The following KHDC1 variants were observed in gnomAD, a reference collection of about 807,000 sequenced individuals.
KHDC1 encodes KH homology domain-containing protein 1.
In KHDC1, 21 loss-of-function variants were observed where a neutral mutation model predicts 24.7. That is an observed-to-expected ratio of 0.85 (90% CI 0.60 to 1.23). The LOEUF (loss-of-function observed/expected upper bound fraction) is 1.23. Among genes scored for constraint, KHDC1 ranks in the 50% most tolerant of loss-of-function variants. The pLI, the probability that KHDC1 is intolerant of heterozygous loss-of-function variation, is 0.00. For synonymous variants in KHDC1, 98 were observed against 111.7 expected (o/e 0.88, Z 0.77); for missense variants, 274 against 298.5 (o/e 0.92, Z 0.61).
intron 2 of KHDC1, among the ~76,000 whole-genome samples, chr6:73,272,661 A>C (rs1767201710): frequency 6.6e-6 from 1 of 150,756 alleles, no homozygotes; most frequent in East Asian, 2.1e-4. Context: ...CTGTAATCCC[A>C]GTTACTCAGG....
intron 2 of KHDC1, among the ~76,000 whole-genome samples, chr6:73,245,845 C>T (rs773946482): frequency 6.6e-5 from 10 of 152,158 alleles, no homozygotes; most frequent in Admixed American, 2.0e-4. Context: ...GCAAAACCTT[C>T]GCTGTCTATC....
chr6:73,258,620 A>G (rs1766924961), intron 2 of KHDC1, among the ~76,000 whole-genome samples: 1 of 152,186 alleles, frequency 6.6e-6, no homozygotes, highest in Non-Finnish European at 1.5e-5. Context: ...CCATTCCACA[A>G]GATTAAAAGA....
intron 2 of KHDC1, among the ~76,000 whole-genome samples, chr6:73,284,989 C>A (rs910012103): frequency 6.6e-6 from 1 of 151,900 alleles, no homozygotes. Context: ...GGATTACTGG[C>A]GCATGCCACC....
intron 1 of KHDC1, among the ~76,000 whole-genome samples, chr6:73,298,628 G>C (rs912230310): frequency 6.6e-6 from 1 of 151,396 alleles, no homozygotes; most frequent in Non-Finnish European, 1.5e-5. Flanking sequence ...TACAGACGGG[G>C]TTTCACCATG....
At chr6:73,270,761 G>C (rs1767163466) in intron 2 of KHDC1, among the ~76,000 whole-genome samples, 1 of 151,546 alleles carries the variant, frequency 6.6e-6, no homozygotes, top group Non-Finnish European at 1.5e-5. Flanking sequence ...CGTGATCTCA[G>C]CTCACTGCAA....
At chr6:73,281,828 C>T (rs1279797064) in intron 2 of KHDC1, among the ~76,000 whole-genome samples, 1 of 152,150 alleles carries the variant, frequency 6.6e-6, no homozygotes, top group Non-Finnish European at 1.5e-5. Flanking sequence ...GTCATCATGT[C>T]TCCTTAGGCT....
chr6:73,303,338 TGAGA>T (rs146002284), intron 1 of KHDC1, among the ~76,000 whole-genome samples: 6 of 150,568 alleles, frequency 4.0e-5, no homozygotes, highest in African/African-American at 1.2e-4. Flanking sequence ...GCAGAAGGAA[TGAGA>T]GAGAGAGAGA....
At chr6:73,273,955 A>G (rs1767232315) in intron 2 of KHDC1, among the ~76,000 whole-genome samples, 1 of 152,150 alleles carries the variant, frequency 6.6e-6, no homozygotes, top group Non-Finnish European at 1.5e-5. Context: ...GCATCTCCAT[A>G]AAAAATAAAA....
chr6:73,245,638 T>A (rs2150551478), intron 2 of KHDC1, among the ~76,000 whole-genome samples: 1 of 152,278 alleles, frequency 6.6e-6, no homozygotes, highest in Non-Finnish European at 1.5e-5. Context: ...GTGTTAGAAT[T>A]CATTTTTTTC....
intron 2 of KHDC1, among the ~76,000 whole-genome samples, chr6:73,263,598 AGGGGTGTCGCGGTGGGGGGG>A (rs781366625): frequency 2.8e-3 from 184 of 65,778 alleles, no homozygotes; most frequent in Admixed American, 4.5e-3. Context: ...TTGCCTGGGG[AGGGGTGTCGCGGTGGGGGGG>A]GGGGTGACCC....
At chr6:73,276,420 G>A (rs1219677640) in intron 2 of KHDC1, 1 of 152,026 alleles carries the variant, frequency 6.6e-6, no homozygotes, top group Non-Finnish European at 1.5e-5. Context: ...CCAGAGTGTG[G>A]AAGTTGCAGT....
intron 2 of KHDC1, among the ~76,000 whole-genome samples, chr6:73,247,471 G>A (rs1359787518): frequency 6.6e-6 from 1 of 152,198 alleles, no homozygotes; most frequent in Non-Finnish European, 1.5e-5. Context: ...CAGCACAGCA[G>A]TTACCCCAAC....
chr6:73,271,748 G>T (rs1767183916), intron 2 of KHDC1, among the ~76,000 whole-genome samples: 1 of 151,458 alleles, frequency 6.6e-6, no homozygotes, highest in African/African-American at 2.4e-5. Context: ...ACAAGAATTA[G>T]CCAGGCATGG....
At chr6:73,270,005 G>A (rs1767151836) in intron 2 of KHDC1, 1 of 151,842 alleles carries the variant, frequency 6.6e-6, no homozygotes, top group Non-Finnish European at 1.5e-5. Context: ...CAAGCTCCTT[G>A]GCTCAAGTGA....
chr6:73,309,970 C>T (rs1230068377), exon 1 of KHDC1: 3 of 456,064 alleles, frequency 6.6e-6, no homozygotes, highest in African/African-American at 4.1e-5. Context: ...AGGGCTCAAG[C>T]TCCAGGCTCG....
chr6:73,308,898 C>G (rs1432881843), intron 1 of KHDC1, among the ~76,000 whole-genome samples: 1 of 152,242 alleles, frequency 6.6e-6, no homozygotes, highest in Admixed American at 6.5e-5. Context: ...GTGGCGCCAT[C>G]TCGGCTCACT....
chr6:73,306,034 C>A (rs754139604), intron 1 of KHDC1, among the ~76,000 whole-genome samples: 16 of 152,170 alleles, frequency 1.1e-4, no homozygotes, highest in Non-Finnish European at 2.2e-4. Context: ...AAAGCAGGTA[C>A]ATATGCATTT....
At chr6:73,282,197 G>A (rs1362209565) in intron 2 of KHDC1, among the ~76,000 whole-genome samples, 1 of 126,860 alleles carries the variant, frequency 7.9e-6, no homozygotes, top group African/African-American at 2.9e-5. Context: ...CAGCCCAAGT[G>A]ACAGAGTGAG....
At chr6:73,295,076 C>T (rs1767733712) in intron 1 of KHDC1, among the ~76,000 whole-genome samples, 1 of 152,056 alleles carries the variant, frequency 6.6e-6, no homozygotes, top group Admixed American at 6.6e-5. Context: ...ATCACTTGAA[C>T]CGGGAGTTGG....
Sources: gnomAD v4.1 joint callset for allele counts (sites outside exome capture counted in the v4.1 genomes callset) on GRCh38, gnomAD v4.1.1 for gene constraint, MANE v1.5 for transcripts, NCBI Gene and HGNC (gene_info 2026-07-23, HGNC 2026-07-21) for gene names.